Variants in HOMER1 observed in about 807,000 individuals in gnomAD.
HOMER1 encodes the protein homer scaffold protein 1, also known as homer protein homolog 1.
A neutral mutation model predicts 48.9 loss-of-function variants in HOMER1; 3 were observed. The ratio of observed to expected loss-of-function variants is 0.06; its 90% confidence interval spans 0.03 to 0.16. The LOEUF is 0.16. HOMER1 is among the 10% of genes least tolerant of loss of function. The pLI is 1.00. For synonymous variants in HOMER1, 134 were observed against 146.4 expected (o/e 0.92, Z 0.61); for missense variants, 247 against 411.4 (o/e 0.60, Z 3.46).
At chr5:79,399,436 GT>G (rs1749478512) in intron 6 of HOMER1, among the ~76,000 whole-genome samples, 1 of 152,212 alleles carries the variant, frequency 6.6e-6, no homozygotes, top group South Asian at 2.1e-4. Flanking sequence ...AGAGATGACA[GT>G]TTGAAGTTCT....
intron 5 of HOMER1, among the ~76,000 whole-genome samples, chr5:79,404,417 C>T (rs1749610380): frequency 6.6e-6 from 1 of 152,140 alleles, no homozygotes; most frequent in African/African-American, 2.4e-5. Context: ...TGGGTAACCT[C>T]GGACCCAACA....
chr5:79,510,741 TG>T (rs1377499884), intron 1 of HOMER1: 1 of 773,482 alleles, frequency 1.3e-6, no homozygotes, highest in Non-Finnish European at 2.3e-6. Flanking sequence ...ACCCCAAGCT[TG>T]GGAAGCATGC....
At chr5:79,436,222 T>TA (rs1365915814) in intron 5 of HOMER1, among the ~76,000 whole-genome samples, 1 of 152,224 alleles carries the variant, frequency 6.6e-6, no homozygotes, top group East Asian at 1.9e-4. Flanking sequence ...AATAATACTG[T>TA]ACCCAGTTTA....
intron 8 of HOMER1, among the ~76,000 whole-genome samples, chr5:79,384,202 AT>A (rs1293650843): frequency 6.6e-6 from 1 of 152,022 alleles, no homozygotes; most frequent in Non-Finnish European, 1.5e-5. Context: ...AAACAAAAAA[AT>A]AAAGGATCAA....
chr5:79,376,222 T>C (rs1483073629), intron 8 of HOMER1, 25 bp from the exon 9 acceptor site: 1 of 1,539,516 alleles, frequency 6.5e-7, no homozygotes, highest in Non-Finnish European at 8.9e-7. Flanking sequence ...GTGTAACATG[T>C]ATATATGTCA....
intron 5 of HOMER1, among the ~76,000 whole-genome samples, chr5:79,420,287 A>C (rs1750062542): frequency 6.6e-6 from 1 of 152,208 alleles, no homozygotes; most frequent in African/African-American, 2.4e-5. Context: ...CAGTCTTTAT[A>C]GATTCTTTCC....
chr5:79,444,411 A>G (rs1750821074), intron 4 of HOMER1, among the ~76,000 whole-genome samples: 1 of 152,204 alleles, frequency 6.6e-6, no homozygotes, highest in African/African-American at 2.4e-5. Context: ...TCTGTATATT[A>G]AATTGACAAT....
chr5:79,482,014 T>A (rs1385255156), intron 1 of HOMER1, among the ~76,000 whole-genome samples: 2 of 152,104 alleles, frequency 1.3e-5, no homozygotes, highest in African/African-American at 2.4e-5. Flanking sequence ...AGCCCAGGAA[T>A]TCAAGACAAG....
intron 4 of HOMER1, among the ~76,000 whole-genome samples, chr5:79,444,482 G>A (rs867435896): frequency 1.3e-5 from 2 of 152,186 alleles, no homozygotes; most frequent in South Asian, 4.1e-4. Context: ...CTCAAATAGT[G>A]ATGAACTTAT....
intron 8 of HOMER1, among the ~76,000 whole-genome samples, chr5:79,379,166 A>G (rs1745692241): frequency 9.3e-6 from 1 of 107,176 alleles, no homozygotes; most frequent in Non-Finnish European, 1.8e-5. Flanking sequence ...AAATATATTT[A>G]TATATTATAT....
intron 1 of HOMER1, among the ~76,000 whole-genome samples, chr5:79,488,526 T>C (rs1276368673): frequency 1.3e-5 from 2 of 152,140 alleles, no homozygotes; most frequent in African/African-American, 4.8e-5. Context: ...GAGCCCCAAA[T>C]CAAACATCTT....
intron 5 of HOMER1, among the ~76,000 whole-genome samples, chr5:79,423,616 A>G (rs1450801647): frequency 6.6e-6 from 1 of 152,152 alleles, no homozygotes; most frequent in African/African-American, 2.4e-5. Context: ...ATATAGCACA[A>G]TAACATTATC....
At chr5:79,500,959 GAC>G (rs779298030) in intron 1 of HOMER1, among the ~76,000 whole-genome samples, 1 of 129,950 alleles carries the variant, frequency 7.7e-6, no homozygotes, top group Non-Finnish European at 1.5e-5. Flanking sequence ...GTGTGAGACA[GAC>G]AGACACACAC....
chr5:79,396,841 A>C lies in HOMER1; in HGVS notation c.858T>G (p.Ser286=), dbSNP rs768823765. 28 of 1,600,236 alleles carry C rather than the reference A, an allele frequency of 1.7e-5. No individual in the cohort carries two copies. Among genetic ancestry groups the C allele is most frequent in the Non-Finnish European group, 2.2e-5 (26 of 1,169,346 alleles). The part of the protein sequence containing the change: ...NARELQEQRD[S]LTQKLQEVEI... ...AGCTCACCTGTAGTTTCTGAGTCAA[A>C]GAATCCCTCTGTTCTTGTAGTTCTC... The change falls in exon 8 of 9, where the codon TCT becomes TCG. Residue 286 remains serine (S), a synonymous_variant. Transcript: ENST00000334082.
chr5:79,499,545 G>A (rs964278703), intron 1 of HOMER1, among the ~76,000 whole-genome samples: 2 of 151,320 alleles, frequency 1.3e-5, no homozygotes, highest in South Asian at 4.2e-4. Flanking sequence ...GCATACCTTA[G>A]AAGTATTGAA....
At chr5:79,426,060 C>G (rs1350811210) in intron 5 of HOMER1, among the ~76,000 whole-genome samples, 1 of 150,994 alleles carries the variant, frequency 6.6e-6, no homozygotes, top group Non-Finnish European at 1.5e-5. Context: ...AAAAAAAAAC[C>G]CTTTAGTGTG....
intron 1 of HOMER1, among the ~76,000 whole-genome samples, chr5:79,511,581 C>T (rs1752943810): frequency 6.6e-6 from 1 of 152,208 alleles, no homozygotes; most frequent in Non-Finnish European, 1.5e-5. Context: ...TTTAATTACT[C>T]TTAGCGGTAC....
chr5:79,397,732 G>C (rs1381958672), intron 6 of HOMER1, 95 bp from the exon 7 acceptor site: 6 of 567,656 alleles, frequency 1.1e-5, no homozygotes, highest in Non-Finnish European at 1.5e-5. Context: ...AGTATATTCT[G>C]AATAAATATA....
intron 4 of HOMER1, among the ~76,000 whole-genome samples, chr5:79,442,470 C>CCTTTAGGG (rs2112280915): frequency 6.6e-6 from 1 of 152,278 alleles, no homozygotes; most frequent in African/African-American, 2.4e-5. Context: ...CTAGGACAAG[C>CCTTTAGGG]CTTTAGGGTG....
Sources: allele counts gnomAD v4.1 joint callset (sites outside exome capture counted in the v4.1 genomes callset), GRCh38; gene constraint gnomAD v4.1.1; transcripts MANE v1.5; gene names NCBI Gene and HGNC (gene_info 2026-07-23, HGNC 2026-07-21).